The following SYTL2 variants were observed in gnomAD, a reference collection of about 807,000 sequenced individuals.
SYTL2 encodes synaptotagmin like 2.
A neutral mutation model predicts 198.7 loss-of-function variants in SYTL2; 165 were observed. The ratio of observed to expected loss-of-function variants is 0.83; its 90% CI spans 0.73 to 0.94. The LOEUF (loss-of-function observed/expected upper bound fraction) is 0.94, where lower values mean the gene tolerates loss of function less well. Ranked by LOEUF, SYTL2 falls within the 40% of genes least tolerant of loss-of-function variation. The pLI is 0.00. For missense variants in SYTL2, 2,835 were observed against 2,582.8 expected (o/e 1.10, Z -2.12); for synonymous variants, 966 against 917.7 (o/e 1.05, Z -0.95).
intron 1 of SYTL2, among the ~76,000 whole-genome samples, chr11:85,793,897 A>G (rs1276544645): frequency 6.6e-6 from 1 of 152,248 alleles, no homozygotes; most frequent in Non-Finnish European, 1.5e-5. Flanking sequence ...ATTTAATTAA[A>G]TATAACTATG....
intron 1 of SYTL2, among the ~76,000 whole-genome samples, chr11:85,777,065 G>T (rs2092464128): frequency 6.6e-6 from 1 of 152,178 alleles, no homozygotes; most frequent in African/African-American, 2.4e-5. Flanking sequence ...GTACAGCTTT[G>T]GAGAGGGTGG....
chr11:85,739,203 A>G (rs1186252583), intron 4 of SYTL2, among the ~76,000 whole-genome samples: 1 of 150,462 alleles, frequency 6.6e-6, no homozygotes, highest in East Asian at 2.0e-4. Context: ...ACGAAGGCCA[A>G]TTGAGCCAGT....
chr11:85,777,384 A>G (rs2092469334), intron 1 of SYTL2, among the ~76,000 whole-genome samples: 1 of 152,178 alleles, frequency 6.6e-6, no homozygotes, highest in Non-Finnish European at 1.5e-5. Context: ...CTTTTAGTCA[A>G]GGTATTCCTC....
rs1054312396 is a variant in SYTL2 at position 85,805,483 on chromosome 11, G to A, written c.-390+5471C>T. Among the ~76,000 whole-genome samples, 3 of 152,198 alleles carry A rather than the reference G, an allele frequency of 2.0e-5. No individual in the cohort carries two copies. The East Asian group carries it at 5.8e-4, about 29-fold the overall frequency. ...AACACAGATCACTGGCAAAGGGAAT[G>A]GGAATTGTCAGGCAATAGATTTGAC... On this transcript the variant is annotated intron_variant, in intron 1 of 19. Coordinates refer to ENST00000359152, the MANE Select transcript of SYTL2 (RefSeq NM_206927.4).
Position 85,700,542 on chromosome 11 carries a change from GA to G in SYTL2, c.6240del (p.Leu2081SerfsTer23). 1.2e-6 allele frequency: 2 copies of G among 1,613,990 alleles called. No individual in the cohort carries two copies. The highest frequency in any genetic ancestry group is 1.7e-6 in the Non-Finnish European group (2 of 1,179,892). On this transcript the variant is annotated frameshift_variant, in exon 17 of 20. Transcript: ENST00000359152. LOFTEE classifies it high-confidence loss of function. The stretch of plus-strand genomic sequence containing the variant: ...GGGACTGGCTCTGGGACATACTGGA[GA>G]GCTAGTTTCATTTCACCTCTGTTTT... The part of the protein sequence containing the change: ...EAENRGEMKL[A>X]LQYVPEPVPG...
At chr11:85,748,448 T>C in intron 2 of SYTL2, 25 bp from the exon 3 acceptor site, 1 of 1,612,398 alleles carries the variant, frequency 6.2e-7, no homozygotes, top group South Asian at 1.1e-5. Context: ...GATCTTTAGT[T>C]TGCTGAGAAC....
Position 85,734,483 on chromosome 11 carries a change from G to A in SYTL2, c.846C>T (p.Ser282=). The part of the protein sequence containing the change: ...GILKRNSSSS[S]TDSETLRYNH... The stretch of plus-strand genomic sequence containing the variant: ...TATAACGAAGGGTTTCTGAGTCTGT[G>A]CTACTGGAACTGGAGTTGCGCTTGA... Residue 282 remains serine (S), a synonymous_variant, in exon 7 of 20, where the codon AGC becomes AGT. Transcript: ENST00000359152. 1.2e-6 allele frequency: 2 copies of A among 1,614,192 alleles called. No homozygotes were observed. The highest frequency in any genetic ancestry group is 1.1e-5 in the South Asian group (1 of 91,086).
chr11:85,788,873 C>T (rs1028797176), intron 1 of SYTL2, among the ~76,000 whole-genome samples: 2 of 151,852 alleles, frequency 1.3e-5, no homozygotes, highest in African/African-American at 4.8e-5. Context: ...TGCATACTCA[C>T]ATTTGGTTGC....
chr11:85,791,689 G>A (rs1029614053), intron 1 of SYTL2, among the ~76,000 whole-genome samples: 10 of 151,892 alleles, frequency 6.6e-5, no homozygotes, highest in African/African-American at 4.9e-5. Flanking sequence ...CTTCAAATAC[G>A]TACCTGAAGA....
chr11:85,742,329 C>A (rs2090856289), intron 4 of SYTL2, among the ~76,000 whole-genome samples: 1 of 152,184 alleles, frequency 6.6e-6, no homozygotes, highest in African/African-American at 2.4e-5. Flanking sequence ...CTTAGTAAAA[C>A]CAGAACAGAC....
intron 1 of SYTL2, among the ~76,000 whole-genome samples, chr11:85,804,934 G>A (rs901245342): frequency 4.6e-5 from 7 of 152,190 alleles, no homozygotes; most frequent in East Asian, 3.9e-4. Context: ...GAATGAAGTC[G>A]TGAGTCCTTG....
the SYTL2 span, among the ~76,000 whole-genome samples, chr11:85,846,103 G>A: frequency 6.6e-6 from 1 of 152,152 alleles, no homozygotes; most frequent in Non-Finnish European, 1.5e-5. Context: ...CACATGTCTG[G>A]CACTTTGTGG....
chr11:85,761,869 G>A (rs2092104517), intron 1 of SYTL2, among the ~76,000 whole-genome samples: 2 of 152,200 alleles, frequency 1.3e-5, no homozygotes, highest in South Asian at 4.1e-4. Context: ...ACGTTGTACA[G>A]GCTGGTCTTG....
At chr11:85,795,371 G>A (rs1026365501) in intron 1 of SYTL2, among the ~76,000 whole-genome samples, 4 of 152,072 alleles carry the variant, frequency 2.6e-5, no homozygotes, top group Admixed American at 6.6e-5. Flanking sequence ...TGTGAACTGG[G>A]GTCTGGGCTG....
chr11:85,694,525 A>T lies in SYTL2; in HGVS notation c.*670T>A, dbSNP rs940671381. On this transcript the variant is annotated 3_prime_UTR_variant, in exon 20 of 20. Coordinates refer to ENST00000359152, the MANE Select transcript of SYTL2 (RefSeq NM_206927.4). ...ATACAGGCTTGAGACCTATTTTAGA[A>T]TTAAGTCAAAACAAGCCAACAACTG... 1 of 152,222 alleles carries T rather than the reference A, an allele frequency of 6.6e-6. No homozygotes were observed. Among genetic ancestry groups the T allele is most frequent in the African/African-American group, 2.4e-5 (1 of 41,458 alleles). The allele number at this position is 152,222 out of a possible 1,614,324, so 9.4% of individuals were successfully genotyped here.
chr11:85,824,578 A>C, the SYTL2 span, among the ~76,000 whole-genome samples: 1 of 152,232 alleles, frequency 6.6e-6, no homozygotes, highest in African/African-American at 2.4e-5. Context: ...GTCAGTGAGA[A>C]CTGGCAATTA....
intron 1 of SYTL2, among the ~76,000 whole-genome samples, chr11:85,783,233 T>C (rs1035498460): frequency 1.3e-5 from 2 of 152,162 alleles, no homozygotes; most frequent in Non-Finnish European, 2.9e-5. Context: ...CTTTTTTACA[T>C]GGTGGCAGCA....
chr11:85,810,116 C>G (rs534925915), intron 1 of SYTL2, among the ~76,000 whole-genome samples: 6 of 152,180 alleles, frequency 3.9e-5, no homozygotes, highest in Non-Finnish European at 7.3e-5. Flanking sequence ...ACATCCCTGC[C>G]GGGCTGTGTG....
intron 19 of SYTL2, among the ~76,000 whole-genome samples, 179 bp from the exon 20 acceptor site, chr11:85,695,519 T>C (rs2083289142): frequency 6.6e-6 from 1 of 152,188 alleles, no homozygotes. Flanking sequence ...TGACTTCATG[T>C]TTGTAATCAT....
Sources: gnomAD v4.1 joint callset for allele counts (sites outside exome capture counted in the v4.1 genomes callset) on GRCh38, gnomAD v4.1.1 for gene constraint, MANE v1.5 for transcripts, NCBI Gene and HGNC (gene_info 2026-07-23, HGNC 2026-07-21) for gene names.